USP48: variants seen among roughly 807,000 people sequenced by gnomAD.
USP48 encodes the protein ubiquitin carboxyl-terminal hydrolase 48.
USP48 carries 43 observed loss-of-function variants against 150.7 expected under a neutral mutation model. The ratio of observed to expected loss-of-function variants is 0.29; its 90% confidence interval spans 0.22 to 0.37. The LOEUF (loss-of-function observed/expected upper bound fraction) is 0.37, where lower values mean the gene tolerates loss of function less well. Among genes scored for constraint, USP48 ranks in the 10% least tolerant of loss-of-function variants. The pLI is 1.00. For missense variants in USP48, 813 were observed against 1,249.6 expected (o/e 0.65, Z 5.27); for synonymous variants, 396 against 425.9 (o/e 0.93, Z 0.86).
intron 19 of USP48, among the ~76,000 whole-genome samples, chr1:21,705,030 GGAGA>G (rs1471767607): frequency 1.3e-5 from 2 of 151,662 alleles, no homozygotes; most frequent in Non-Finnish European, 1.5e-5. Flanking sequence ...AGAGAGGGAG[GGAGA>G]GAAAGAGGAG....
At chr1:21,742,594 AAAAGAAAAAAAGAAAAAG>A (rs2097784764) in intron 8 of USP48, among the ~76,000 whole-genome samples, 2 of 119,714 alleles carry the variant, frequency 1.7e-5, no homozygotes, top group African/African-American at 7.2e-5. Flanking sequence ...AAAAGAAAAG[AAAAGAAAAAAAGAAAAAG>A]AAAACTCCTG....
intron 15 of USP48, among the ~76,000 whole-genome samples, chr1:21,713,445 G>A (rs1211165109): frequency 1.3e-5 from 2 of 152,028 alleles, no homozygotes; most frequent in Non-Finnish European, 2.9e-5. Context: ...GGGGAGTGGA[G>A]TATGTGTCCT....
At chr1:21,769,305 G>A (rs2097872081) in intron 1 of USP48, among the ~76,000 whole-genome samples, 1 of 152,072 alleles carries the variant, frequency 6.6e-6, no homozygotes, top group Non-Finnish European at 1.5e-5. Context: ...TTATCTTATG[G>A]GAGCTACATG....
chr1:21,765,030 G>A (rs2097858494), intron 1 of USP48, among the ~76,000 whole-genome samples: 1 of 152,088 alleles, frequency 6.6e-6, no homozygotes, highest in African/African-American at 2.4e-5. Flanking sequence ...AACCCTGCAG[G>A]AAAAATAACT....
In USP48 at chr1:21,679,174, T is replaced by TTCC; in HGVS notation, c.*242_*243insGGA. 2.7e-6 allele frequency: 1 copy of TTCC among 371,042 alleles called. No homozygotes were observed. The allele number at this position is 371,042 out of a possible 1,614,324, so 23.0% of individuals were successfully genotyped here. On this transcript the variant is annotated 3_prime_UTR_variant, in exon 27 of 27. Coordinates refer to ENST00000308271, the MANE Select transcript of USP48 (RefSeq NM_032236.8). The stretch of plus-strand genomic sequence containing the variant: ...ACTTGTTCCGTCTTTACTTGCCCCC[T>TTCC]CCCACCCACCACCCCCCTTAAATAT...
intron 23 of USP48, among the ~76,000 whole-genome samples, chr1:21,690,492 T>C (rs1301907407): frequency 6.6e-6 from 1 of 151,996 alleles, no homozygotes; most frequent in African/African-American, 2.4e-5. Context: ...CATCAACAAG[T>C]CAAGTCCAAA....
chr1:21,731,376 G>C (rs1400113523), intron 9 of USP48, among the ~76,000 whole-genome samples: 2 of 151,804 alleles, frequency 1.3e-5, no homozygotes, highest in Non-Finnish European at 2.9e-5. Context: ...TGATTCTCCT[G>C]CCTTAGCCTC....
At chr1:21,761,600 A>G (rs915748811) in intron 1 of USP48, among the ~76,000 whole-genome samples, 1 of 152,154 alleles carries the variant, frequency 6.6e-6, no homozygotes, top group East Asian at 1.9e-4. Context: ...TCTAAAATAT[A>G]AAAATGAAGC....
intron 9 of USP48, 143 bp from the exon 10 acceptor site, chr1:21,729,975 T>C (rs2097752458): frequency 2.0e-6 from 2 of 991,828 alleles, no homozygotes; most frequent in African/African-American, 1.6e-5. Context: ...CCATAGAAAT[T>C]TGGCAGGCTC....
intron 1 of USP48, among the ~76,000 whole-genome samples, chr1:21,768,933 G>A (rs1158252125): frequency 6.6e-6 from 1 of 152,018 alleles, no homozygotes; most frequent in African/African-American, 2.4e-5. Context: ...CCAAACTGCT[G>A]GGGTTACTAG....
At chr1:21,762,550 C>T (rs2097852296) in intron 1 of USP48, among the ~76,000 whole-genome samples, 1 of 152,146 alleles carries the variant, frequency 6.6e-6, no homozygotes, top group South Asian at 2.1e-4. Flanking sequence ...TCACTCCCTC[C>T]TCTTGGACAA....
At chr1:21,692,787 A>G (rs559264067) in intron 23 of USP48, among the ~76,000 whole-genome samples, 2 of 152,320 alleles carry the variant, frequency 1.3e-5, no homozygotes, top group East Asian at 3.9e-4. Flanking sequence ...CAGTTCCATG[A>G]AAGGGGCCAA....
chr1:21,750,843 T>C (rs1044924434), intron 6 of USP48, among the ~76,000 whole-genome samples: 4 of 151,436 alleles, frequency 2.6e-5, no homozygotes, highest in African/African-American at 9.7e-5. Context: ...GATTGTGCCA[T>C]TGCATTCCAG....
chr1:21,770,697 G>C (rs1243808268), intron 1 of USP48, among the ~76,000 whole-genome samples: 2 of 151,506 alleles, frequency 1.3e-5, no homozygotes, highest in Non-Finnish European at 2.9e-5. Context: ...GGCCAGACTG[G>C]TCTCGAACTC....
intron 3 of USP48, among the ~76,000 whole-genome samples, chr1:21,755,152 C>G (rs1158570667): frequency 6.6e-6 from 1 of 152,134 alleles, no homozygotes; most frequent in South Asian, 2.1e-4. Flanking sequence ...TGTCTTCTAA[C>G]TGGACTATAT....
Position 21,706,456 on chromosome 1 carries a change from A to T in USP48, c.2211+11T>A, listed in dbSNP as rs1289363903. On this transcript the variant is annotated intron_variant, in intron 17 of 26. Coordinates refer to ENST00000308271, the MANE Select transcript of USP48 (RefSeq NM_032236.8). ...AAAGATGCATTCTTTCTTTTGTGGGAATCATTATACCTCTGGCCAGTTACT... is the reference window on the plus strand; with the variant it reads ...AAAGATGCATTCTTTCTTTTGTGGGTATCATTATACCTCTGGCCAGTTACT... 1 of 1,613,126 alleles carries T rather than the reference A, an allele frequency of 6.2e-7. No individual in the cohort carries two copies. The highest frequency in any genetic ancestry group is 8.5e-7 in the Non-Finnish European group (1 of 1,179,794).
intron 24 of USP48, among the ~76,000 whole-genome samples, chr1:21,688,659 C>T (rs186192949): frequency 1.9e-3 from 286 of 151,320 alleles, no homozygotes; most frequent in African/African-American, 6.3e-3. Flanking sequence ...TTGGCCAACA[C>T]GGTGAAACCC....
chr1:21,736,601 C>G lies in USP48; in HGVS notation c.1016G>C (p.Ser339Thr). The change falls in exon 9 of 27, where the codon AGC becomes ACC. Residue 339 changes from serine (S) to threonine (T), a missense_variant. Physicochemically the swap from Ser to Thr is moderately conservative, Grantham distance 58. Transcript: ENST00000308271. ...HKGGSYVYEL[S>T]AVLIHRGVSA... ...CACTCCTCTGTGTATGAGGACTGCG[C>G]TGAGTTCATACACGTAGGACCCACC... The G allele has an allele frequency of 1.3e-6, 2 of 1,519,618 alleles. No individual in the cohort carries two copies. The highest frequency in any genetic ancestry group is 2.3e-5 in the Admixed American group (1 of 43,106). 94.1% of individuals were successfully genotyped at this position (1,519,618 alleles called of 1,614,324 possible).
At chr1:21,680,201 T>C (rs2152487798) in intron 26 of USP48, among the ~76,000 whole-genome samples, 1 of 152,346 alleles carries the variant, frequency 6.6e-6, no homozygotes, top group South Asian at 2.1e-4. Context: ...CAGGGGCTTC[T>C]GGAGTGGCCA....
Sources: allele counts gnomAD v4.1 joint callset (sites outside exome capture counted in the v4.1 genomes callset), GRCh38; gene constraint gnomAD v4.1.1; transcripts MANE v1.5; gene names NCBI Gene and HGNC (gene_info 2026-07-23, HGNC 2026-07-21).